The following GABBR2 variants were observed in gnomAD, a reference collection of about 807,000 sequenced individuals.
GABBR2 encodes the protein G-protein coupled receptor 51.
Under a neutral mutation model 105.6 loss-of-function variants are expected in GABBR2, and 23 were observed. That is an observed-to-expected ratio of 0.22 (90% CI 0.16 to 0.31). The LOEUF is 0.31. Among genes scored for constraint, GABBR2 ranks in the 10% least tolerant of loss-of-function variants. GABBR2 has a pLI of 1.00. For synonymous variants in GABBR2, 478 were observed against 499.7 expected (o/e 0.96, Z 0.58); for missense variants, 734 against 1,245.5 (o/e 0.59, Z 6.18).
intron 1 of GABBR2, among the ~76,000 whole-genome samples, chr9:98,666,657 G>A (rs1009521894): frequency 2.0e-5 from 3 of 152,178 alleles, no homozygotes; most frequent in Non-Finnish European, 4.4e-5. Flanking sequence ...ACGGGCATGA[G>A]CCACTGTGTC....
intron 1 of GABBR2, among the ~76,000 whole-genome samples, chr9:98,662,555 G>A (rs1830278031): frequency 1.3e-5 from 2 of 152,334 alleles, no homozygotes; most frequent in African/African-American, 4.8e-5. Context: ...TTATTTAAAA[G>A]GGGAGCAGAG....
chr9:98,594,119 C>T (rs1227551326), intron 1 of GABBR2, among the ~76,000 whole-genome samples: 6 of 152,240 alleles, frequency 3.9e-5, no homozygotes, highest in African/African-American at 1.4e-4. Flanking sequence ...GTGTCGCCCA[C>T]ACTTGGAGGT....
At chr9:98,394,893 T>C (rs183035403) in intron 8 of GABBR2, among the ~76,000 whole-genome samples, 58 of 152,318 alleles carry the variant, frequency 3.8e-4, no homozygotes, top group African/African-American at 1.3e-3. Flanking sequence ...CACATTGCTA[T>C]TATATGCATC....
chr9:98,444,214 G>A (rs951688319), intron 7 of GABBR2, among the ~76,000 whole-genome samples: 1 of 152,176 alleles, frequency 6.6e-6, no homozygotes, highest in Admixed American at 6.5e-5. Flanking sequence ...TAGAGATAAA[G>A]CAGAAAATAA....
chr9:98,699,467 C>T (rs1830799763), intron 1 of GABBR2, among the ~76,000 whole-genome samples: 1 of 152,170 alleles, frequency 6.6e-6, no homozygotes, highest in Admixed American at 6.5e-5. Flanking sequence ...AAAGCACTTA[C>T]TCCATTTGTT....
At chr9:98,691,507 G>A (rs975039551) in intron 1 of GABBR2, among the ~76,000 whole-genome samples, 4 of 152,198 alleles carry the variant, frequency 2.6e-5, no homozygotes, top group African/African-American at 9.7e-5. Flanking sequence ...TCCAGCCTTG[G>A]CCAATAGGAA....
chr9:98,303,125 T>G, intron 16 of GABBR2, 116 bp downstream of exon 16: 14 of 747,786 alleles, frequency 1.9e-5, no homozygotes, highest in Non-Finnish European at 2.8e-5. Flanking sequence ...CTGCAGCTGA[T>G]GAGACTGCAC....
chr9:98,390,846 T>C (rs1027609221), intron 9 of GABBR2, among the ~76,000 whole-genome samples: 4 of 152,146 alleles, frequency 2.6e-5, no homozygotes, highest in South Asian at 2.1e-4. Flanking sequence ...GCCTATTGTA[T>C]AGAAACAACT....
chr9:98,629,222 G>A (rs1829785342), intron 1 of GABBR2, among the ~76,000 whole-genome samples: 1 of 152,158 alleles, frequency 6.6e-6, no homozygotes, highest in Non-Finnish European at 1.5e-5. Context: ...CAAAAATGAT[G>A]TGCCTCTTTA....
At chr9:98,374,907 C>T (rs1831846659) in intron 11 of GABBR2, among the ~76,000 whole-genome samples, 1 of 152,152 alleles carries the variant, frequency 6.6e-6, no homozygotes, top group Non-Finnish European at 1.5e-5. Flanking sequence ...TGGGGGTTGT[C>T]TTGGAGACTC....
At chr9:98,692,760 T>C (rs1588285495) in intron 1 of GABBR2, among the ~76,000 whole-genome samples, 2 of 152,252 alleles carry the variant, frequency 1.3e-5, no homozygotes, top group Non-Finnish European at 2.9e-5. Flanking sequence ...AATTCTTCTT[T>C]AGTTGTTTAG....
At chr9:98,323,476 C>T (rs73492815) in intron 13 of GABBR2, among the ~76,000 whole-genome samples, 48 of 152,338 alleles carry the variant, frequency 3.2e-4, no homozygotes, top group African/African-American at 1.1e-3. Flanking sequence ...AGTGCCCCAC[C>T]CAGCTGCATC....
chr9:98,533,347 G>A (rs984736741), intron 3 of GABBR2, among the ~76,000 whole-genome samples: 5 of 152,052 alleles, frequency 3.3e-5, no homozygotes, highest in African/African-American at 9.7e-5. Context: ...CAGATGGCCC[G>A]GGTGACTCAG....
intron 3 of GABBR2, 21 bp downstream of exon 3, chr9:98,541,852 G>A: frequency 6.2e-7 from 1 of 1,612,258 alleles, no homozygotes; most frequent in Non-Finnish European, 8.5e-7. Context: ...GGCAGGCCGT[G>A]TCCACACAAG....
chr9:98,558,765 T>C (rs1214526450), intron 2 of GABBR2, among the ~76,000 whole-genome samples: 1 of 152,222 alleles, frequency 6.6e-6, no homozygotes, highest in Non-Finnish European at 1.5e-5. Context: ...ACACAAAAGA[T>C]GTGAAACAAA....
rs145130263 is a variant in GABBR2, at chr9:98,705,741, A to C, written c.321+2676T>G. Among the ~76,000 whole-genome samples, 1,030 of 152,298 alleles carry C rather than the reference A, an allele frequency of 6.8e-3. 10 individuals carry two copies. The highest frequency in any genetic ancestry group is 0.024 in the Middle Eastern group (7 of 294). ...TCTGGCTCAGGGAGAAAGCACCTCT[A>C]CTTTAAAGATAAGGCCACTTGTGAA... On this transcript the variant is annotated intron_variant, in intron 1 of 18. Coordinates refer to ENST00000259455, the MANE Select transcript of GABBR2 (RefSeq NM_005458.8).
In GABBR2 at chr9:98,311,174, C is replaced by T. The variant is rs781275870; in HGVS notation, c.1925G>A (p.Arg642His). The change falls in exon 14 of 19, where the codon CGC becomes CAC. Residue 642 changes from arginine to histidine, a missense_variant. By Grantham distance (29) the Arg-to-His change is conservative. Around this residue, in one of 7 missense-constraint regions of GABBR2, gnomAD observed 52 missense variants for 81.3 expected, o/e 0.64. Transcript: ENST00000259455. ...GTTCTCACAGTGCTCCAGGAGAGGG[C>T]GGATGGAGATATCCCGTCCTGCTGG... ...PDPAGRDISI[R>H]PLLEHCENTH... 10 of 1,613,444 alleles carry T rather than the reference C, an allele frequency of 6.2e-6. No homozygotes were observed. Among genetic ancestry groups the T allele is most frequent in the Admixed American group, 3.3e-5 (2 of 60,016 alleles).
rs1220991276 is a variant in GABBR2 at position 98,564,522 on chromosome 9, G to A, written c.459+13413C>T. On this transcript the variant is annotated intron_variant, in intron 2 of 18. Transcript: ENST00000259455. ...CTTTGGCAAGGCACTCAACCTCTTT[G>A]TGCCTCAGTTTTCTCATCTGTGAAA... 2.6e-5 allele frequency among the ~76,000 whole-genome samples: 4 copies of A among 152,194 alleles called. No individual in the cohort carries two copies. In the East Asian group the frequency reaches 7.7e-4, roughly 29 times the overall value.
At chr9:98,332,170 A>T (rs960035004) in intron 13 of GABBR2, among the ~76,000 whole-genome samples, 1 of 152,160 alleles carries the variant, frequency 6.6e-6, no homozygotes, top group Admixed American at 6.5e-5. Context: ...CTCCCCTGCA[A>T]AATGGAAACA....
Sources: allele counts gnomAD v4.1 joint callset (sites outside exome capture counted in the v4.1 genomes callset), GRCh38; gene constraint gnomAD v4.1.1; regional missense constraint gnomAD v4.1.1; transcripts MANE v1.5; gene names NCBI Gene and HGNC (gene_info 2026-07-23, HGNC 2026-07-21).